Variants in TRAPPC10 observed in about 807,000 individuals in gnomAD.
TRAPPC10 encodes trafficking protein particle complex subunit 10.
In TRAPPC10, 23 loss-of-function variants were observed where a neutral mutation model predicts 125.5. The ratio of observed to expected loss-of-function variants is 0.18; its 90% confidence interval spans 0.13 to 0.26. TRAPPC10 has a LOEUF of 0.26. Ranked by LOEUF, TRAPPC10 falls within the 10% of genes least tolerant of loss-of-function variation. The pLI, the probability that TRAPPC10 is intolerant of heterozygous loss-of-function variation, is 1.00. For missense variants in TRAPPC10, 1,123 were observed against 1,308.4 expected (o/e 0.86, Z 2.19); for synonymous variants, 509 against 518.0 (o/e 0.98, Z 0.24).
In TRAPPC10 at chr21:44,080,117, A is replaced by T; in HGVS notation, c.1713A>T (p.Ser571=). ...QEILDFASQP[S]DSPGHKIVLP... Reference sequence around the variant, plus strand: ...TACTTGACTTTGCCAGCCAGCCGTCAGACAGCCCAGGTAAGACCAGTTCTT... The same window carrying T: ...TACTTGACTTTGCCAGCCAGCCGTCTGACAGCCCAGGTAAGACCAGTTCTT... Residue 571 remains serine (S), a synonymous_variant, in exon 13 of 23, where the codon TCA becomes TCT. Transcript: ENST00000291574. 6.2e-7 allele frequency: 1 copy of T among 1,614,092 alleles called. No homozygotes were observed. The highest frequency in any genetic ancestry group is 8.5e-7 in the Non-Finnish European group (1 of 1,179,926).
intron 7 of TRAPPC10, among the ~76,000 whole-genome samples, chr21:44,071,407 A>G (rs1409094728): frequency 6.6e-6 from 1 of 152,192 alleles, no homozygotes; most frequent in Non-Finnish European, 1.5e-5. Flanking sequence ...TATCACTGCA[A>G]TTAGGTTTTA....
intron 1 of TRAPPC10, among the ~76,000 whole-genome samples, chr21:44,015,441 G>A (rs919519523): frequency 6.6e-6 from 1 of 151,932 alleles, no homozygotes; most frequent in Non-Finnish European, 1.5e-5. Context: ...TTTTAGAGAT[G>A]GGGTCTCGCT....
intron 3 of TRAPPC10, among the ~76,000 whole-genome samples, chr21:44,049,579 C>T (rs571947249): frequency 6.6e-6 from 1 of 152,314 alleles, no homozygotes; most frequent in South Asian, 2.1e-4. Flanking sequence ...GCCCCTTATA[C>T]CACTTACACC....
At chr21:44,065,273 G>A (rs978036633) in intron 7 of TRAPPC10, among the ~76,000 whole-genome samples, 2 of 152,106 alleles carry the variant, frequency 1.3e-5, no homozygotes, top group Non-Finnish European at 2.9e-5. Flanking sequence ...TTGTAGCGTC[G>A]GGGTTCACAG....
chr21:44,086,315 TGGA>T lies in TRAPPC10; in HGVS notation c.2381-485_2381-483del, dbSNP rs1350034094. Among the ~76,000 whole-genome samples, 10 of 152,346 alleles carry T rather than the reference TGGA, an allele frequency of 6.6e-5. No individual in the cohort carries two copies. In the East Asian group the frequency reaches 1.2e-3, roughly 18 times the overall value. ...TCACTCCTGCCTCTCATTGCTGTCT[TGGA>T]GTGAGGGGGAGCCACCTGACTGCTG... On this transcript the variant is annotated intron_variant, in intron 15 of 22. Coordinates refer to ENST00000291574, the MANE Select transcript of TRAPPC10 (RefSeq NM_003274.5).
chr21:44,091,744 G>T (rs2038595594), intron 18 of TRAPPC10, 179 bp from the exon 19 acceptor site: 5 of 604,082 alleles, frequency 8.3e-6, no homozygotes, highest in Admixed American at 3.1e-5. Flanking sequence ...GGCCAAAAAG[G>T]TTTATTTTCT....
chr21:44,093,922 A>G, intron 19 of TRAPPC10, 141 bp from the exon 20 acceptor site: 1 of 793,990 alleles, frequency 1.3e-6, no homozygotes, highest in East Asian at 2.6e-5. Flanking sequence ...CTAAAGCAGC[A>G]TGCATAGGCG....
At chr21:44,069,552 T>G (rs1193189848) in intron 7 of TRAPPC10, among the ~76,000 whole-genome samples, 1 of 152,198 alleles carries the variant, frequency 6.6e-6, no homozygotes, top group Non-Finnish European at 1.5e-5. Context: ...CTGATGGTAG[T>G]GTGCATCACT....
Position 44,044,316 on chromosome 21 carries a change from CT to C in TRAPPC10, c.285+6399del, listed in dbSNP as rs35194707. 2.4e-3 allele frequency among the ~76,000 whole-genome samples: 348 copies of C among 144,030 alleles called. 1 individual carries two copies. Among genetic ancestry groups the C allele is most frequent in the African/African-American group, 7.5e-3 (295 of 39,466 alleles). 94.5% of individuals were successfully genotyped at this position (144,030 alleles called of 152,430 possible). ...TTCCTTAAAATTACATTCTAATAGC[CT>C]TTTTTTTTTCAAATCTTGATTATCG... On this transcript the variant is annotated intron_variant, in intron 3 of 22. Coordinates refer to ENST00000291574, the MANE Select transcript of TRAPPC10 (RefSeq NM_003274.5).
At chr21:44,021,339 A>G (rs1601555684) in intron 1 of TRAPPC10, among the ~76,000 whole-genome samples, 1 of 152,330 alleles carries the variant, frequency 6.6e-6, no homozygotes, top group African/African-American at 2.4e-5. Flanking sequence ...GAGAGTTTAC[A>G]TTCTGTCAAG....
chr21:44,026,263 AC>A (rs1407375283), intron 1 of TRAPPC10, among the ~76,000 whole-genome samples: 1 of 152,018 alleles, frequency 6.6e-6, no homozygotes, highest in African/African-American at 2.4e-5. Flanking sequence ...TGGCAGGAGC[AC>A]CGGGGAGGCT....
intron 1 of TRAPPC10, among the ~76,000 whole-genome samples, chr21:44,027,207 C>T (rs755934654): frequency 2.6e-5 from 4 of 152,054 alleles, no homozygotes; most frequent in Non-Finnish European, 5.9e-5. Flanking sequence ...ACATAAATCT[C>T]CAAATAGAAG....
At chr21:44,031,360 A>G (rs1464027146) in intron 1 of TRAPPC10, among the ~76,000 whole-genome samples, 1 of 152,236 alleles carries the variant, frequency 6.6e-6, no homozygotes, top group Non-Finnish European at 1.5e-5. Context: ...ATACAGTTAT[A>G]TCATCATTTT....
chr21:44,041,777 A>G (rs760172655), intron 3 of TRAPPC10, among the ~76,000 whole-genome samples: 4 of 151,986 alleles, frequency 2.6e-5, no homozygotes, highest in Non-Finnish European at 5.9e-5. Flanking sequence ...CTCAGGCTGT[A>G]GTGTAGTGGC....
chr21:44,063,221 C>T lies in TRAPPC10; in HGVS notation c.791-317C>T, dbSNP rs984273037. 1.7e-5 allele frequency: 21 copies of T among 1,259,812 alleles called. No homozygotes were observed. The African/African-American group carries it at 1.7e-4, about 10-fold the overall frequency. 78.0% of individuals were successfully genotyped at this position (1,259,812 alleles called of 1,614,324 possible). On this transcript the variant is annotated intron_variant, in intron 6 of 22. Coordinates refer to ENST00000291574, the MANE Select transcript of TRAPPC10 (RefSeq NM_003274.5). This position sits in a 1 kb window ranked among gnomAD's most constrained non-coding sequence, Gnocchi z 4.4. ...GCAGCCTAAGACTAGAGCCCTCCCT[C>T]GGCCTGAGACAGAGCCTGAGCTCCC...
chr21:44,045,198 G>A (rs2034696804), intron 3 of TRAPPC10, among the ~76,000 whole-genome samples: 1 of 152,156 alleles, frequency 6.6e-6, no homozygotes, highest in South Asian at 2.1e-4. Flanking sequence ...CTCCCAAAGT[G>A]CTTGGATTAC....
chr21:44,091,987 C>G lies in TRAPPC10; in HGVS notation c.2935C>G (p.Leu979Val), dbSNP rs2038612142. 1 of 1,614,130 alleles carries G rather than the reference C, an allele frequency of 6.2e-7. No individual in the cohort carries two copies. The highest frequency in any genetic ancestry group is 2.2e-5 in the East Asian group (1 of 44,884). Residue 979 changes from leucine to valine, a missense_variant, in exon 19 of 23, where the codon CTT (leucine) becomes GTT (valine). Leu to Val is a conservative substitution (Grantham distance 32, BLOSUM62 1). This residue lies in a region of TRAPPC10 where 840 missense variants were observed against 902.0 expected (regional missense o/e 0.93). Transcript: ENST00000291574. ...TGACTTTCAGCTGTCAGATAGTTAT[C>G]TTGTAGATACCGGTGATAGTACCGA... ...ELDFQLSDSY[L>V]VDTGDSTDLQ...
chr21:44,067,210 G>A (rs2145954445), intron 7 of TRAPPC10, among the ~76,000 whole-genome samples: 1 of 152,368 alleles, frequency 6.6e-6, no homozygotes, highest in South Asian at 2.1e-4. Flanking sequence ...GCCGGTTTGT[G>A]AACAGAGGCT....
At chr21:44,035,406 T>G (rs2033917118) in intron 2 of TRAPPC10, among the ~76,000 whole-genome samples, 1 of 152,088 alleles carries the variant, frequency 6.6e-6, no homozygotes, top group Non-Finnish European at 1.5e-5. Context: ...GCAGAAAACA[T>G]ACCAAGACAT....
Sources: allele counts gnomAD v4.1 joint callset (sites outside exome capture counted in the v4.1 genomes callset), GRCh38; gene constraint gnomAD v4.1.1; regional missense constraint gnomAD v4.1.1; non-coding constraint Gnocchi (gnomAD v3.1); transcripts MANE v1.5; gene names NCBI Gene and HGNC (gene_info 2026-07-23, HGNC 2026-07-21).